DMRT1: variants seen among roughly 807,000 people sequenced by gnomAD.
The protein encoded by DMRT1 is doublesex- and mab-3-related transcription factor 1.
DMRT1 carries 7 observed loss-of-function variants against 32.3 expected under a neutral mutation model. That is an observed-to-expected ratio of 0.22 (90% CI 0.12 to 0.41). DMRT1 has a LOEUF of 0.41. Among genes scored for constraint, DMRT1 ranks in the 10% least tolerant of loss-of-function variants. DMRT1 has a pLI of 1.00. For missense variants in DMRT1, 625 were observed against 500.5 expected (o/e 1.25, Z -2.37); for synonymous variants, 278 against 206.1 (o/e 1.35, Z -2.99).
chr9:963,901 A>G (rs1221563427), intron 4 of DMRT1, among the ~76,000 whole-genome samples: 2 of 152,248 alleles, frequency 1.3e-5, no homozygotes, highest in African/African-American at 4.8e-5. Flanking sequence ...TACAAAGTCT[A>G]GGAAACTGAA....
chr9:872,419 A>G (rs775125552), intron 2 of DMRT1, among the ~76,000 whole-genome samples: 3 of 152,224 alleles, frequency 2.0e-5, no homozygotes, highest in Admixed American at 6.5e-5. Flanking sequence ...AAACATCACC[A>G]CTATCAAATT....
intron 3 of DMRT1, among the ~76,000 whole-genome samples, chr9:900,475 G>C (rs1379890163): frequency 6.6e-6 from 1 of 152,120 alleles, no homozygotes; most frequent in African/African-American, 2.4e-5. Flanking sequence ...AGTATCTGCT[G>C]TGTGGGGGTG....
intron 2 of DMRT1, among the ~76,000 whole-genome samples, chr9:876,881 C>T (rs1816524331): frequency 6.6e-6 from 1 of 152,182 alleles, no homozygotes; most frequent in South Asian, 2.1e-4. Flanking sequence ...CCCTTTTCCC[C>T]TTCTGACACG....
intron 3 of DMRT1, 170 bp downstream of exon 3, chr9:894,365 T>C: frequency 1.4e-6 from 1 of 710,660 alleles, no homozygotes; most frequent in South Asian, 1.5e-5. Context: ...TGCACACATG[T>C]AGGCACAATA....
intron 4 of DMRT1, among the ~76,000 whole-genome samples, chr9:929,885 G>A (rs1290258437): frequency 6.6e-6 from 1 of 152,112 alleles, no homozygotes; most frequent in Non-Finnish European, 1.5e-5. Flanking sequence ...TCTGGGAGAT[G>A]AACCATGAGA....
At chr9:882,983 G>T (rs1816791850) in intron 2 of DMRT1, among the ~76,000 whole-genome samples, 1 of 151,688 alleles carries the variant, frequency 6.6e-6, no homozygotes, top group African/African-American at 2.4e-5. Flanking sequence ...TGTTGGCCAG[G>T]CTGGTTTCGA....
At chr9:892,155 C>G (rs1817176477) in intron 2 of DMRT1, among the ~76,000 whole-genome samples, 2 of 152,224 alleles carry the variant, frequency 1.3e-5, no homozygotes, top group South Asian at 4.1e-4. Flanking sequence ...TTTTCTAGAA[C>G]TGTTTGCTTG....
At chr9:878,178 C>T (rs1163109944) in intron 2 of DMRT1, among the ~76,000 whole-genome samples, 3 of 150,594 alleles carry the variant, frequency 2.0e-5, no homozygotes, top group Non-Finnish European at 4.4e-5. Context: ...GCTAAAAGTT[C>T]AGCCCTGGAA....
At chr9:866,395 C>T (rs143395640) in intron 2 of DMRT1, among the ~76,000 whole-genome samples, 1 of 151,988 alleles carries the variant, frequency 6.6e-6, no homozygotes, top group African/African-American at 2.4e-5. Flanking sequence ...ACGTCACCAC[C>T]TTTAAGAAGC....
At chr9:842,230 GTTTTTTTTTTTTTT>G in intron 1 of DMRT1, 38 bp downstream of exon 1, 1 of 1,266,394 alleles carries the variant, frequency 7.9e-7, no homozygotes, top group East Asian at 2.7e-5. Context: ...TTCAGCCTTA[GTTTTTTTTTTTTTT>G]TTTTTTTTTA....
rs555954488 is a variant in DMRT1 at position 894,362 on chromosome 9, A to G, written c.822+167A>G. 273 of 723,250 alleles carry G rather than the reference A, an allele frequency of 3.8e-4. No individual in the cohort carries two copies. In the African/African-American group the frequency reaches 4.4e-3, roughly 12 times the overall value. 44.8% of individuals were successfully genotyped at this position (723,250 alleles called of 1,614,324 possible). Reference sequence around the variant, plus strand: ...TATGTGTGTGTGCCATTTTGCACACATGTAGGCACAATATGCAAAATGTGT... The same window carrying G: ...TATGTGTGTGTGCCATTTTGCACACGTGTAGGCACAATATGCAAAATGTGT... On this transcript the variant is annotated intron_variant, in intron 3 of 4. Coordinates refer to ENST00000382276, the MANE Select transcript of DMRT1 (RefSeq NM_021951.3).
At chr9:884,353 C>G (rs553222223) in intron 2 of DMRT1, among the ~76,000 whole-genome samples, 1 of 133,260 alleles carries the variant, frequency 7.5e-6, no homozygotes, top group Non-Finnish European at 1.6e-5. Context: ...TCATATTTCA[C>G]ACTGCATGTT....
At chr9:896,669 T>G (rs995614693) in intron 3 of DMRT1, among the ~76,000 whole-genome samples, 1 of 151,834 alleles carries the variant, frequency 6.6e-6, no homozygotes, top group Admixed American at 6.6e-5. Context: ...AAAAATTAAC[T>G]GGGCATGGTG....
At chr9:907,290 A>G (rs1347374087) in intron 3 of DMRT1, among the ~76,000 whole-genome samples, 2 of 152,192 alleles carry the variant, frequency 1.3e-5, no homozygotes, top group Non-Finnish European at 1.5e-5. Context: ...TGTAAATGGT[A>G]CTTGCATTTA....
chr9:892,178 C>T (rs752559665), intron 2 of DMRT1, among the ~76,000 whole-genome samples: 4 of 152,218 alleles, frequency 2.6e-5, no homozygotes, highest in Non-Finnish European at 4.4e-5. Context: ...GTCCCAGCAG[C>T]AGTTGACACC....
chr9:921,126 G>C (rs551836820), intron 4 of DMRT1, among the ~76,000 whole-genome samples: 3 of 152,256 alleles, frequency 2.0e-5, no homozygotes, highest in Non-Finnish European at 4.4e-5. Flanking sequence ...CTGATTGCAA[G>C]GCACTTTCAT....
chr9:960,655 G>A (rs953014235), intron 4 of DMRT1, among the ~76,000 whole-genome samples: 1 of 152,170 alleles, frequency 6.6e-6, no homozygotes. Context: ...TCAGACGGTG[G>A]CTGCTCCTGG....
intron 3 of DMRT1, among the ~76,000 whole-genome samples, chr9:896,836 TC>T (rs1376797213): frequency 1.3e-5 from 2 of 151,938 alleles, no homozygotes; most frequent in East Asian, 3.9e-4. Context: ...AATTGACTTT[TC>T]TAAGCCCACT....
At chr9:871,164 G>A (rs1816231638) in intron 2 of DMRT1, among the ~76,000 whole-genome samples, 1 of 151,834 alleles carries the variant, frequency 6.6e-6, no homozygotes, top group South Asian at 2.1e-4. Flanking sequence ...AGCCTGAGTA[G>A]CTGGGACTAC....
Sources: gnomAD v4.1 joint callset for allele counts (sites outside exome capture counted in the v4.1 genomes callset) on GRCh38, gnomAD v4.1.1 for gene constraint, MANE v1.5 for transcripts, NCBI Gene and HGNC (gene_info 2026-07-23, HGNC 2026-07-21) for gene names.